Variants in MICAL2 observed in about 807,000 individuals in gnomAD.
The protein encoded by MICAL2 is [F-actin]-monooxygenase MICAL2.
A neutral mutation model predicts 127.3 loss-of-function variants in MICAL2; 77 were observed. The ratio of observed to expected loss-of-function variants is 0.60; its 90% CI spans 0.50 to 0.73. The LOEUF is 0.73. MICAL2 is among the 30% of genes least tolerant of loss of function. The pLI is 0.00. For missense variants in MICAL2, 1,351 were observed against 1,434.4 expected, an observed-to-expected ratio of 0.94 and a Z score of 0.94; for synonymous variants, 570 against 551.1, an observed-to-expected ratio of 1.03 and a Z score of -0.48.
upstream of MICAL2, among the ~76,000 whole-genome samples, chr11:12,275,018 G>A (rs1240814810): frequency 6.6e-6 from 1 of 152,002 alleles, no homozygotes; most frequent in African/African-American, 2.4e-5. Flanking sequence ...GCAGAGAGGC[G>A]GTGAGAGGGG....
chr11:12,267,213 G>A (rs956275602), downstream of MICAL2, among the ~76,000 whole-genome samples: 1 of 152,168 alleles, frequency 6.6e-6, no homozygotes, highest in South Asian at 2.1e-4. Context: ...TCTCAGCAAG[G>A]AGGGGGCATA....
chr11:12,131,346 A>G (rs1851401141), intron 1 of MICAL2, among the ~76,000 whole-genome samples: 1 of 151,258 alleles, frequency 6.6e-6, no homozygotes, highest in African/African-American at 2.4e-5. Context: ...AATTGCCCCA[A>G]GGTAATGGCT....
At chr11:12,137,025 T>A (rs1424309406) in intron 1 of MICAL2, among the ~76,000 whole-genome samples, 2 of 152,136 alleles carry the variant, frequency 1.3e-5, no homozygotes, top group African/African-American at 4.8e-5. Flanking sequence ...CACCCACAGA[T>A]CCCAGAAGCT....
At position 12,204,237 on chromosome 11, in the gene MICAL2, C is replaced by G. The variant is rs111757719; in HGVS notation, c.265-13C>G. ...AGGTTACCAAGAGTCTCTCTCCTCTCTCACCTCTGCAGTGTCTCATAGTTG... is the reference window on the plus strand; with the variant it reads ...AGGTTACCAAGAGTCTCTCTCCTCTGTCACCTCTGCAGTGTCTCATAGTTG... On this transcript the variant is annotated splice_polypyrimidine_tract_variant and intron_variant, in intron 3 of 27. Coordinates refer to ENST00000683283, the MANE Select transcript of MICAL2 (RefSeq NM_001282663.2). The G allele has an allele frequency of 2.4e-3, 3,856 of 1,612,792 alleles. 101 individuals are homozygous for G. The African/African-American group carries it at 0.046, about 19-fold the overall frequency.
intron 26 of MICAL2, chr11:12,260,352 G>C (rs946491432): frequency 5.8e-6 from 8 of 1,386,692 alleles, no homozygotes; most frequent in Non-Finnish European, 7.4e-6. Context: ...ATCTACTCAC[G>C]GTGCTAGGGC....
chr11:12,112,510 T>C (rs1589947496), intron 1 of MICAL2, among the ~76,000 whole-genome samples: 1 of 148,416 alleles, frequency 6.7e-6, no homozygotes, highest in East Asian at 2.0e-4. Flanking sequence ...TGAAATAACC[T>C]CTACCTTAGG....
exon 35 of MICAL2, chr11:12,358,458 C>T: frequency 1.2e-6 from 2 of 1,614,184 alleles, no homozygotes; most frequent in Non-Finnish European, 1.7e-6. Context: ...TCTCCAGAGG[C>T]TGTCAGCTGA....
intron 32 of MICAL2, among the ~76,000 whole-genome samples, chr11:12,328,723 G>T (rs1367054101): frequency 6.6e-6 from 1 of 152,166 alleles, no homozygotes; most frequent in African/African-American, 2.4e-5. Context: ...CTGAAATAAT[G>T]TGCAATAATA....
chr11:12,309,750 CTGTT>C (rs1385787772), intron 29 of MICAL2, among the ~76,000 whole-genome samples: 6 of 152,136 alleles, frequency 3.9e-5, no homozygotes, highest in Non-Finnish European at 7.4e-5. Context: ...AACCGCCATA[CTGTT>C]TGTCATAATG....
At chr11:12,295,872 T>C (rs191189012), downstream of MICAL2, among the ~76,000 whole-genome samples, 60 of 152,304 alleles carry the variant, frequency 3.9e-4, no homozygotes, top group African/African-American at 1.3e-3. Context: ...CATATATTTA[T>C]ATTTTACATA....
chr11:12,273,945 C>G (rs1027117655), upstream of MICAL2, among the ~76,000 whole-genome samples: 1 of 151,796 alleles, frequency 6.6e-6, no homozygotes, highest in African/African-American at 2.4e-5. Context: ...ATAGAGGGTT[C>G]ATAAAGAAGA....
chr11:12,185,545 T>C (rs11022234), intron 3 of MICAL2, among the ~76,000 whole-genome samples: 55,725 of 151,938 alleles, frequency 0.37, 10,628 homozygotes, highest in Admixed American at 0.43. Flanking sequence ...GAAACTGAGC[T>C]TCCTAGCAAG....
At chr11:12,265,501 T>A (rs80318129), downstream of MICAL2, among the ~76,000 whole-genome samples, 11,782 of 152,214 alleles carry the variant, frequency 0.077, 797 homozygotes, top group African/African-American at 0.17. Context: ...CAAATCTGAT[T>A]ATATACATTT....
chr11:12,313,523 A>G (rs1271431081), intron 29 of MICAL2, among the ~76,000 whole-genome samples: 1 of 152,178 alleles, frequency 6.6e-6, no homozygotes, highest in African/African-American at 2.4e-5. Context: ...ATTTGTTGAT[A>G]CTTGCTTTAT....
At chr11:12,345,882 G>A (rs574825308) in intron 32 of MICAL2, among the ~76,000 whole-genome samples, 7 of 152,264 alleles carry the variant, frequency 4.6e-5, no homozygotes, top group African/African-American at 1.4e-4. Flanking sequence ...AAAATTAGAG[G>A]GTAAGCAGAA....
At position 12,211,423 on chromosome 11, in the gene MICAL2, C is replaced by G. The variant is rs566262487; in HGVS notation, c.691+1825C>G. Among the ~76,000 whole-genome samples, 10 of 152,292 alleles carry G rather than the reference C, an allele frequency of 6.6e-5. No individual in the cohort carries two copies. The South Asian group carries it at 1.9e-3, about 28-fold the overall frequency. On this transcript the variant is annotated intron_variant, in intron 6 of 27. Transcript: ENST00000683283. ...AACAAAAAAAACCCCAAGGTTGTCACTAAAAGGGATTTTTGACAGATGAGT... is the reference window on the plus strand; with the variant it reads ...AACAAAAAAAACCCCAAGGTTGTCAGTAAAAGGGATTTTTGACAGATGAGT...
intron 32 of MICAL2, among the ~76,000 whole-genome samples, chr11:12,333,807 T>A (rs1938694521): frequency 6.6e-6 from 1 of 152,014 alleles, no homozygotes; most frequent in Non-Finnish European, 1.5e-5. Context: ...TAGGAGTAAA[T>A]CTAGCAAAAA....
chr11:12,211,725 A>G (rs1855497510), intron 6 of MICAL2, among the ~76,000 whole-genome samples: 1 of 152,172 alleles, frequency 6.6e-6, no homozygotes, highest in Non-Finnish European at 1.5e-5. Context: ...AAGAGGCCAA[A>G]GAAGAGCCCA....
intron 2 of MICAL2, among the ~76,000 whole-genome samples, chr11:12,139,854 C>T (rs752133852): frequency 6.6e-6 from 1 of 152,030 alleles, no homozygotes; most frequent in Non-Finnish European, 1.5e-5. Flanking sequence ...TCCTATTGCC[C>T]TCAAATGAAT....
Sources: allele counts gnomAD v4.1 joint callset (sites outside exome capture counted in the v4.1 genomes callset), GRCh38; gene constraint gnomAD v4.1.1; transcripts MANE v1.5; gene names NCBI Gene and HGNC (gene_info 2026-07-23, HGNC 2026-07-21).